The following WDFY4 variants were observed in gnomAD, a reference collection of about 807,000 sequenced individuals.
WDFY4 encodes WD repeat- and FYVE domain-containing protein 4.
WDFY4 carries 169 observed loss-of-function variants against 351.9 expected under a neutral mutation model. The observed-to-expected ratio is 0.48, with a 90% CI of 0.42 to 0.55. WDFY4 has a LOEUF of 0.55. WDFY4 is among the 20% of genes least tolerant of loss of function. The pLI is 0.00. For synonymous variants in WDFY4, 1,622 were observed against 1,574.6 expected (o/e 1.03, Z -0.71); for missense variants, 3,803 against 3,935.6 (o/e 0.97, Z 0.90).
At chr10:48,778,970 T>C in intron 18 of WDFY4, 138 bp downstream of exon 18, 1 of 954,776 alleles carries the variant, frequency 1.0e-6, no homozygotes, top group Non-Finnish European at 1.5e-6. Flanking sequence ...CTCCCTTGGG[T>C]TCCATACCTG....
At chr10:48,892,058 G>A (rs1264145127) in intron 44 of WDFY4, among the ~76,000 whole-genome samples, 1 of 152,094 alleles carries the variant, frequency 6.6e-6, no homozygotes, top group Admixed American at 6.5e-5. Context: ...TTAATACTTG[G>A]CTCCTCATCC....
intron 11 of WDFY4, among the ~76,000 whole-genome samples, chr10:48,741,294 ACAC>A (rs2064840977): frequency 6.6e-6 from 1 of 152,034 alleles, no homozygotes; most frequent in African/African-American, 2.4e-5. Context: ...TTTCAAATAA[ACAC>A]CACTGTTAGG....
intron 13 of WDFY4, among the ~76,000 whole-genome samples, chr10:48,769,673 C>T (rs2065794709): frequency 6.6e-6 from 1 of 152,176 alleles, no homozygotes; most frequent in South Asian, 2.1e-4. Flanking sequence ...GAATGCTGAA[C>T]CCAACACCCA....
Position 48,969,058 on chromosome 10 carries a change from G to T in WDFY4, c.8585-6G>T. On this transcript the variant is annotated splice_region_variant and splice_polypyrimidine_tract_variant and intron_variant, in intron 55 of 61. Transcript: ENST00000325239. Reference sequence around the variant, plus strand: ...GCATAAGTTCGCCATACTAACTGGGGTGTAGATATGTACCTCTTTTCTCTA... The same window carrying T: ...GCATAAGTTCGCCATACTAACTGGGTTGTAGATATGTACCTCTTTTCTCTA... The T allele has an allele frequency of 1.3e-6, 2 of 1,551,078 alleles. No homozygotes were observed. Among genetic ancestry groups the T allele is most frequent in the Non-Finnish European group, 1.7e-6 (2 of 1,146,542 alleles).
intron 43 of WDFY4, among the ~76,000 whole-genome samples, chr10:48,880,505 G>A (rs1413828003): frequency 2.6e-5 from 4 of 152,354 alleles, no homozygotes; most frequent in Admixed American, 6.5e-5. Context: ...TGTCAGAAAT[G>A]CCACACACTG....
intron 23 of WDFY4, among the ~76,000 whole-genome samples, chr10:48,795,491 G>GTA (rs60705301): frequency 0.041 from 4,112 of 100,848 alleles, 106 homozygotes; most frequent in Non-Finnish European, 0.047. Context: ...GTGTGTGTCT[G>GTA]TATATATATA....
chr10:48,892,207 G>T (rs1402524669), intron 44 of WDFY4, among the ~76,000 whole-genome samples: 2 of 152,178 alleles, frequency 1.3e-5, no homozygotes, highest in Admixed American at 6.5e-5. Context: ...ATAATCCACT[G>T]CTGTGCTCTT....
intron 51 of WDFY4, among the ~76,000 whole-genome samples, chr10:48,951,994 G>A (rs1413872492): frequency 1.3e-5 from 2 of 152,250 alleles, no homozygotes; most frequent in African/African-American, 2.4e-5. Context: ...CAGTGGGGAA[G>A]GGTTTTCCGA....
At chr10:48,860,992 G>C (rs2069320263) in intron 39 of WDFY4, among the ~76,000 whole-genome samples, 2 of 152,096 alleles carry the variant, frequency 1.3e-5, no homozygotes, top group African/African-American at 4.8e-5. Flanking sequence ...GTCTTGTTGG[G>C]TGAAGTTGGC....
At chr10:48,832,800 C>T in intron 39 of WDFY4, 91 bp downstream of exon 39, 3 of 1,397,694 alleles carry the variant, frequency 2.1e-6, no homozygotes, top group East Asian at 2.7e-5. Flanking sequence ...TGTTACTAGA[C>T]ATGATCTAAC....
At chr10:48,856,622 T>C (rs905016924) in intron 39 of WDFY4, among the ~76,000 whole-genome samples, 2 of 152,210 alleles carry the variant, frequency 1.3e-5, no homozygotes, top group South Asian at 4.1e-4. Context: ...CAACAAGTAG[T>C]AACTTCTTAA....
At chr10:48,736,175 T>A in intron 11 of WDFY4, 105 bp downstream of exon 11, 1 of 1,322,750 alleles carries the variant, frequency 7.6e-7, no homozygotes, top group Non-Finnish European at 1.1e-6. Flanking sequence ...AGCCACTGTA[T>A]GTGGCAGGCA....
intron 7 of WDFY4, 90 bp downstream of exon 7, chr10:48,727,749 A>G: frequency 6.9e-7 from 1 of 1,447,540 alleles, no homozygotes; most frequent in East Asian, 2.5e-5. Flanking sequence ...AAAAATAGAT[A>G]TAGCTCCATA....
chr10:48,938,485 C>T (rs1356711656), intron 47 of WDFY4, among the ~76,000 whole-genome samples: 2 of 152,256 alleles, frequency 1.3e-5, no homozygotes, highest in South Asian at 2.1e-4. Flanking sequence ...TGCCAGCCCC[C>T]GATGGAGGAA....
intron 11 of WDFY4, among the ~76,000 whole-genome samples, chr10:48,737,757 A>G (rs2064719590): frequency 6.6e-6 from 1 of 152,194 alleles, no homozygotes; most frequent in East Asian, 1.9e-4. Flanking sequence ...TACTTGAGGT[A>G]AGGGAAGTGA....
At chr10:48,928,046 T>C (rs531990429) in intron 47 of WDFY4, among the ~76,000 whole-genome samples, 121 of 152,324 alleles carry the variant, frequency 7.9e-4, no homozygotes, top group African/African-American at 2.9e-3. Context: ...GAGCAGTGAT[T>C]CCATTCCACC....
At chr10:48,958,047 C>T (rs1164090547) in intron 52 of WDFY4, among the ~76,000 whole-genome samples, 1 of 152,134 alleles carries the variant, frequency 6.6e-6, no homozygotes, top group Non-Finnish European at 1.5e-5. Flanking sequence ...GGCTCTAGAG[C>T]CCCCCCTCGT....
intron 56 of WDFY4, among the ~76,000 whole-genome samples, chr10:48,969,888 G>C: frequency 6.6e-6 from 1 of 152,002 alleles, no homozygotes; most frequent in South Asian, 2.1e-4. Flanking sequence ...AAGCCACCCC[G>C]TGCTGGTGCT....
intron 8 of WDFY4, among the ~76,000 whole-genome samples, chr10:48,730,801 C>T (rs2064434549): frequency 6.6e-6 from 1 of 152,144 alleles, no homozygotes; most frequent in Admixed American, 6.5e-5. Flanking sequence ...ATGGCCAATA[C>T]AAATAATTGT....
Sources: gnomAD v4.1 joint callset for allele counts (sites outside exome capture counted in the v4.1 genomes callset) on GRCh38, gnomAD v4.1.1 for gene constraint, MANE v1.5 for transcripts, NCBI Gene and HGNC (gene_info 2026-07-23, HGNC 2026-07-21) for gene names.